ZNF469: variants seen among roughly 807,000 people sequenced by gnomAD.
The protein encoded by ZNF469 is zinc finger protein 469.
Under a neutral mutation model 1.0 loss-of-function variants are expected in ZNF469, and 1 was observed. That is an observed-to-expected ratio of 1.00 (90% CI 0.35 to 4.73). The LOEUF is 4.73. Ranked by LOEUF, ZNF469 falls within the 30% of genes most tolerant of loss-of-function variation. The pLI is 0.16. For missense variants in ZNF469, 6,100 were observed against 5,356.3 expected (o/e 1.14, Z -4.33); for synonymous variants, 2,703 against 2,363.4 (o/e 1.14, Z -4.17).
the ZNF469 span, among the ~76,000 whole-genome samples, chr16:88,293,111 T>C: frequency 6.6e-6 from 1 of 152,116 alleles, no homozygotes; most frequent in Non-Finnish European, 1.5e-5. Context: ...GATGGGTGGA[T>C]GGGTGCACGA....
chr16:88,395,761 T>TG (rs1904641629), intron 1 of ZNF469, among the ~76,000 whole-genome samples: 1 of 152,228 alleles, frequency 6.6e-6, no homozygotes, highest in Non-Finnish European at 1.5e-5. Context: ...CTTCACTCTA[T>TG]GCTGGGCCAT....
At chr16:88,152,305 G>A in the ZNF469 span, among the ~76,000 whole-genome samples, 7,870 of 152,318 alleles carry the variant, frequency 0.052, 370 homozygotes, top group East Asian at 0.16. This position sits in a 1 kb window ranked among gnomAD's most constrained non-coding sequence, Gnocchi z 4.2. Context: ...GAAAAGTCAC[G>A]GGCAGCCATG....
In ZNF469 at chr16:88,436,200, G is replaced by T. The variant is rs549214055; in HGVS notation, c.8730G>T (p.Thr2910=). ...CGCTGGGCCCAGCCCGCCTGCCCAC[G>T]GACCTCAGCGACTCCAGCTCCCTCT... ...DPTLGPARLP[T]DLSDSSSLCL... The change falls in exon 3 of 3, where the codon ACG becomes ACT. Residue 2910 remains threonine, a synonymous_variant. Coordinates refer to ENST00000565624, the MANE Select transcript of ZNF469 (RefSeq NM_001367624.2). The T allele has an allele frequency of 1.3e-6, 2 of 1,548,058 alleles. No individual in the cohort carries two copies. Among genetic ancestry groups the T allele is most frequent in the Non-Finnish European group, 1.7e-6 (2 of 1,146,862 alleles).
chr16:88,241,914 T>A, the ZNF469 span, among the ~76,000 whole-genome samples: 1 of 152,142 alleles, frequency 6.6e-6, no homozygotes, highest in Non-Finnish European at 1.5e-5. This position sits in a 1 kb window ranked among gnomAD's most constrained non-coding sequence, Gnocchi z 4.8. Flanking sequence ...GTTCTGGGAA[T>A]GTGTGGGAGA....
At chr16:88,337,536 G>T in the ZNF469 span, among the ~76,000 whole-genome samples, 1 of 152,200 alleles carries the variant, frequency 6.6e-6, no homozygotes, top group Non-Finnish European at 1.5e-5. Context: ...TTTCAATTCT[G>T]CTGAGTTTAT....
chr16:88,159,544 G>A, the ZNF469 span, among the ~76,000 whole-genome samples: 7 of 152,266 alleles, frequency 4.6e-5, no homozygotes, highest in South Asian at 8.3e-4. Flanking sequence ...GGAGCGCAGC[G>A]TACGGAGAGA....
At chr16:88,274,267 G>C in the ZNF469 span, among the ~76,000 whole-genome samples, 1 of 152,220 alleles carries the variant, frequency 6.6e-6, no homozygotes, top group Non-Finnish European at 1.5e-5. Context: ...GGGCTGGGAA[G>C]TTAGTCTTTA....
chr16:88,155,419 C>T, the ZNF469 span, among the ~76,000 whole-genome samples: 9 of 152,226 alleles, frequency 5.9e-5, no homozygotes, highest in Non-Finnish European at 1.3e-4. Context: ...AATTTTAGAG[C>T]ATTCTTGTTG....
the ZNF469 span, among the ~76,000 whole-genome samples, chr16:88,256,908 T>TCTCTCTCTCTC: frequency 3.9e-5 from 1 of 25,690 alleles, no homozygotes; most frequent in Admixed American, 4.5e-4. Flanking sequence ...CTTTCTTTCT[T>TCTCTCTCTCTC]TCTTTCTTTC....
the ZNF469 span, among the ~76,000 whole-genome samples, chr16:88,152,400 C>T: frequency 6.6e-6 from 1 of 152,198 alleles, no homozygotes; most frequent in Non-Finnish European, 1.5e-5. The surrounding 1 kb of genome is among the most constrained non-coding windows in gnomAD (Gnocchi z 4.2). Context: ...AGCGCAGCTG[C>T]TTTTCCGTCT....
At chr16:88,275,985 T>C in the ZNF469 span, among the ~76,000 whole-genome samples, 1 of 152,074 alleles carries the variant, frequency 6.6e-6, no homozygotes, top group Non-Finnish European at 1.5e-5. Context: ...TGGGAGGCCG[T>C]GGCAGCGACC....
At chr16:88,133,071 G>A in the ZNF469 span, among the ~76,000 whole-genome samples, 20 of 152,214 alleles carry the variant, frequency 1.3e-4, no homozygotes, top group African/African-American at 4.6e-4. Flanking sequence ...GGGGCCGGGG[G>A]GCTGCCCTTC....
the ZNF469 span, among the ~76,000 whole-genome samples, chr16:88,368,193 C>T: frequency 6.6e-6 from 1 of 152,262 alleles, no homozygotes; most frequent in Admixed American, 6.5e-5. Context: ...GATGCTGTGT[C>T]CTTCTGGACA....
the ZNF469 span, among the ~76,000 whole-genome samples, chr16:88,300,438 C>T: frequency 6.6e-6 from 1 of 152,128 alleles, no homozygotes; most frequent in African/African-American, 2.4e-5. Context: ...TGAAAACCTG[C>T]GTGTGACGGG....
At chr16:88,176,551 C>T in the ZNF469 span, among the ~76,000 whole-genome samples, 1 of 152,240 alleles carries the variant, frequency 6.6e-6, no homozygotes, top group African/African-American at 2.4e-5. Context: ...GCAATGGCGG[C>T]CTCCACACAC....
In ZNF469 at chr16:88,428,899, C is replaced by A; in HGVS notation, c.1429C>A (p.Pro477Thr). Residue 477 changes from proline to threonine, a missense_variant, in exon 3 of 3, where the codon CCC (proline) becomes ACC (threonine). Coordinates refer to ENST00000565624, the MANE Select transcript of ZNF469 (RefSeq NM_001367624.2). ...CAGCCCAGGCCAGCGGCTCTGCCTC[C>A]CCCAGAGTGCCCCCCTGCCTTGGCC... ...QPSPGQRLCL[P>T]QSAPLPWPQV... 2 of 1,547,022 alleles carry A rather than the reference C, an allele frequency of 1.3e-6. No homozygotes were observed. Among genetic ancestry groups the A allele is most frequent in the Non-Finnish European group, 1.7e-6 (2 of 1,145,754 alleles).
In ZNF469 at chr16:88,428,220, T is replaced by TC; in HGVS notation, c.756dup (p.Ala253ArgfsTer118). 2 of 1,547,050 alleles carry TC rather than the reference T, an allele frequency of 1.3e-6. No individual in the cohort carries two copies. Among genetic ancestry groups the TC allele is most frequent in the Non-Finnish European group, 8.7e-7 (1 of 1,146,322 alleles). Reference sequence around the variant, plus strand: ...GCTTCCCAGGTGCTAATTTCGGGGTTCCCCCCGCCGAGCCGGAACCTATTC... The same window carrying TC: ...GCTTCCCAGGTGCTAATTTCGGGGTTCCCCCCCGCCGAGCCGGAACCTATTC... On this transcript the variant is annotated frameshift_variant, in exon 3 of 3. Transcript: ENST00000565624. LOFTEE classifies it low-confidence loss of function (END_TRUNC).
At chr16:88,109,298 C>T in the ZNF469 span, among the ~76,000 whole-genome samples, 1,450 of 152,318 alleles carry the variant, frequency 9.5e-3, 26 homozygotes, top group African/African-American at 0.033. Context: ...AACCACATTG[C>T]AGCCCAGTGG....
Position 88,438,442 on chromosome 16 carries a change from GA to G in ZNF469, c.10973del (p.Glu3658GlyfsTer62). 6.5e-7 allele frequency: 1 copy of G among 1,549,896 alleles called. No homozygotes were observed. The highest frequency in any genetic ancestry group is 8.7e-7 in the Non-Finnish European group (1 of 1,146,902). On this transcript the variant is annotated frameshift_variant, in exon 3 of 3. Coordinates refer to ENST00000565624, the MANE Select transcript of ZNF469 (RefSeq NM_001367624.2). LOFTEE classifies it low-confidence loss of function (END_TRUNC). ...GGTGTCCTCAAGCCACATGGTGTCT[GA>G]GGGGGGGCCCCGAGGCGCCTTCCAC... ...KEVSSSHMVS[E>X]GGPRGAFHKG... is the part of the protein sequence containing the mutation.
Sources: gnomAD v4.1 joint callset for allele counts (sites outside exome capture counted in the v4.1 genomes callset) on GRCh38, gnomAD v4.1.1 for gene constraint, Gnocchi (gnomAD v3.1) non-coding constraint, MANE v1.5 for transcripts, NCBI Gene and HGNC (gene_info 2026-07-23, HGNC 2026-07-21) for gene names.